PDE1C: variants seen among roughly 807,000 people sequenced by gnomAD.
PDE1C encodes the protein dual specificity calcium/calmodulin-dependent 3',5'-cyclic nucleotide phosphodiesterase 1C.
A neutral mutation model predicts 93.1 loss-of-function variants in PDE1C; 62 were observed. The ratio of observed to expected loss-of-function variants is 0.67; its 90% CI spans 0.54 to 0.82. The LOEUF is 0.82. Ranked by LOEUF, PDE1C falls within the 40% of genes least tolerant of loss-of-function variation. PDE1C has a pLI of 0.00. For missense variants in PDE1C, 742 were observed against 884.6 expected (o/e 0.84, Z 2.04); for synonymous variants, 325 against 310.1 (o/e 1.05, Z -0.50).
At chr7:32,233,663 C>T (rs1266303806) in intron 1 of PDE1C, among the ~76,000 whole-genome samples, 1 of 152,012 alleles carries the variant, frequency 6.6e-6, no homozygotes, top group African/African-American at 2.4e-5. Flanking sequence ...ACAGATATAA[C>T]AACAAAGCTT....
chr7:32,231,642 G>A (rs1431999746), intron 1 of PDE1C, among the ~76,000 whole-genome samples: 1 of 152,110 alleles, frequency 6.6e-6, no homozygotes, highest in Non-Finnish European at 1.5e-5. Flanking sequence ...CTGCACCAGA[G>A]AAAAACTGCT....
intron 2 of PDE1C, among the ~76,000 whole-genome samples, chr7:31,920,768 A>G (rs1005976738): frequency 6.6e-6 from 1 of 152,166 alleles, no homozygotes; most frequent in Non-Finnish European, 1.5e-5. Flanking sequence ...ATTGAGCCCA[A>G]CGTGAGGAAA....
Position 31,794,085 on chromosome 7 carries a change from C to CAGATAGATAGATAGATAGATAGATAGAT in PDE1C, c.1891+14945_1891+14946insATCTATCTATCTATCTATCTATCTATCT, listed in dbSNP as rs1326683058. On this transcript the variant is annotated intron_variant, in intron 16 of 17. Transcript: ENST00000396191. Reference sequence around the variant, plus strand: ...ACAGACAGACAGACAGACAGACAGACAGACAGATAGATAGACAGATAGATG... The same window carrying CAGATAGATAGATAGATAGATAGATAGAT: ...ACAGACAGACAGACAGACAGACAGACAGATAGATAGATAGATAGATAGATAGATAGACAGATAGATAGACAGATAGATG... Among the ~76,000 whole-genome samples the CAGATAGATAGATAGATAGATAGATAGAT allele has an allele frequency of 1.1e-3, 151 of 137,158 alleles. 2 individuals carry two copies. The highest frequency in any genetic ancestry group is 2.4e-3 in the South Asian group (10 of 4,186). 90.0% of individuals were successfully genotyped at this position (137,158 alleles called of 152,430 possible).
chr7:32,188,700 T>A (rs565787377), intron 2 of PDE1C, among the ~76,000 whole-genome samples: 1 of 152,234 alleles, frequency 6.6e-6, no homozygotes, highest in South Asian at 2.1e-4. Flanking sequence ...GAAGCCTACC[T>A]TTCTTCTAAG....
chr7:32,055,085 C>T (rs1793891433), intron 1 of PDE1C, among the ~76,000 whole-genome samples: 1 of 152,212 alleles, frequency 6.6e-6, no homozygotes, highest in African/African-American at 2.4e-5. Flanking sequence ...AGAATGATGG[C>T]TTACCTGACA....
intron 1 of PDE1C, among the ~76,000 whole-genome samples, chr7:32,322,190 G>A (rs1783307079): frequency 6.6e-6 from 1 of 152,186 alleles, no homozygotes; most frequent in African/African-American, 2.4e-5. Context: ...CAGATTATAA[G>A]TGATAAAACA....
At chr7:31,993,258 T>C (rs1784351958) in intron 2 of PDE1C, among the ~76,000 whole-genome samples, 1 of 152,242 alleles carries the variant, frequency 6.6e-6, no homozygotes, top group South Asian at 2.1e-4. Context: ...TCAGTATGAA[T>C]GTTTAGCTCA....
intron 2 of PDE1C, among the ~76,000 whole-genome samples, chr7:32,013,136 A>G (rs1245285308): frequency 6.6e-6 from 1 of 152,198 alleles, no homozygotes; most frequent in East Asian, 1.9e-4. Flanking sequence ...TAGTGTTAAT[A>G]TACACGAGCT....
intron 2 of PDE1C, among the ~76,000 whole-genome samples, chr7:32,182,147 G>A (rs1171810893): frequency 1.1e-4 from 16 of 152,162 alleles, no homozygotes; most frequent in Non-Finnish European, 2.4e-4. Flanking sequence ...CTGAAGTTGA[G>A]GCAATAATTA....
At chr7:32,169,912 G>C (rs377587504) in exon 3 of PDE1C, 372 of 1,612,554 alleles carry the variant, frequency 2.3e-4, no homozygotes, top group Non-Finnish European at 3.0e-4. Context: ...TTCCCTGTGA[G>C]CCCATCGATG....
At chr7:31,820,319 A>G (rs1174302970) in intron 14 of PDE1C, among the ~76,000 whole-genome samples, 2 of 152,066 alleles carry the variant, frequency 1.3e-5, no homozygotes, top group Admixed American at 6.6e-5. Flanking sequence ...TATTTTTTAT[A>G]CTTCAGCATT....
At chr7:32,017,450 T>C (rs997845191) in intron 2 of PDE1C, among the ~76,000 whole-genome samples, 3 of 152,088 alleles carry the variant, frequency 2.0e-5, no homozygotes, top group African/African-American at 7.2e-5. Context: ...ATTAGTTTCT[T>C]AGATATGACA....
intron 1 of PDE1C, among the ~76,000 whole-genome samples, chr7:32,310,780 A>C (rs573774018): frequency 0.065 from 9,848 of 152,024 alleles, 430 homozygotes; most frequent in Non-Finnish European, 0.092. Flanking sequence ...TATAGCACTA[A>C]ATGCCCACAA....
chr7:31,649,824 A>C, the PDE1C span, among the ~76,000 whole-genome samples: 1 of 152,174 alleles, frequency 6.6e-6, no homozygotes, highest in Non-Finnish European at 1.5e-5. Context: ...TGGAGGTGCC[A>C]AAGGTAAATA....
chr7:32,087,768 A>G (rs1458590791), intron 3 of PDE1C, among the ~76,000 whole-genome samples: 1 of 151,406 alleles, frequency 6.6e-6, no homozygotes, highest in Non-Finnish European at 1.5e-5. Flanking sequence ...ACCAAACACC[A>G]CATGTTCTCA....
intron 2 of PDE1C, among the ~76,000 whole-genome samples, chr7:31,884,800 C>A (rs984351102): frequency 6.6e-6 from 1 of 152,090 alleles, no homozygotes; most frequent in South Asian, 2.1e-4. Context: ...TATCATTGGC[C>A]AATTTAAGTT....
intron 12 of PDE1C, among the ~76,000 whole-genome samples, chr7:31,825,871 C>T (rs1789591482): frequency 6.7e-6 from 1 of 150,298 alleles, no homozygotes. Context: ...AGACAATGGG[C>T]TCAGTTTCAG....
At chr7:32,100,814 C>T (rs534123861) in intron 3 of PDE1C, among the ~76,000 whole-genome samples, 10 of 152,256 alleles carry the variant, frequency 6.6e-5, no homozygotes, top group Admixed American at 2.6e-4. Flanking sequence ...AACTGAAGGC[C>T]AGATGTGTTT....
the PDE1C span, among the ~76,000 whole-genome samples, chr7:31,689,291 C>G: frequency 1.3e-5 from 2 of 152,116 alleles, no homozygotes; most frequent in African/African-American, 4.8e-5. Flanking sequence ...GAAAACACCC[C>G]CAAATGTGAA....
Sources: gnomAD v4.1 joint callset for allele counts (sites outside exome capture counted in the v4.1 genomes callset) on GRCh38, gnomAD v4.1.1 for gene constraint, MANE v1.5 for transcripts, NCBI Gene and HGNC (gene_info 2026-07-23, HGNC 2026-07-21) for gene names.